The following LPP variants were observed in gnomAD, a reference collection of about 807,000 sequenced individuals.
LPP encodes lipoma-preferred partner.
A neutral mutation model predicts 60.4 loss-of-function variants in LPP; 38 were observed. That is an observed-to-expected ratio of 0.63 (90% confidence interval 0.49 to 0.83). The LOEUF (loss-of-function observed/expected upper bound fraction) is 0.83, where lower values mean the gene tolerates loss of function less well. LPP is among the 40% of genes least tolerant of loss of function. LPP has a pLI of 0.00. For missense variants in LPP, 902 were observed against 783.6 expected (o/e 1.15, Z -1.80); for synonymous variants, 328 against 290.8 (o/e 1.13, Z -1.30).
At chr3:188,579,712 C>T (rs1835604624) in intron 6 of LPP, among the ~76,000 whole-genome samples, 1 of 151,016 alleles carries the variant, frequency 6.6e-6, no homozygotes, top group African/African-American at 2.4e-5. Flanking sequence ...GTAATCTGAG[C>T]TCTTTGGGAT....
At chr3:188,172,786 A>G (rs1721951661) in intron 1 of LPP, among the ~76,000 whole-genome samples, 1 of 152,210 alleles carries the variant, frequency 6.6e-6, no homozygotes, top group South Asian at 2.1e-4. Flanking sequence ...CTTTTCCACT[A>G]AGTTCCTCTT....
At chr3:188,299,171 G>A (rs150232746) in intron 2 of LPP, among the ~76,000 whole-genome samples, 5 of 152,238 alleles carry the variant, frequency 3.3e-5, no homozygotes, top group Admixed American at 6.5e-5. Context: ...ACACAGCCTC[G>A]GACTCTCCCT....
chr3:188,340,874 T>C (rs1318430854), intron 2 of LPP, among the ~76,000 whole-genome samples: 1 of 152,218 alleles, frequency 6.6e-6, no homozygotes, highest in Non-Finnish European at 1.5e-5. Context: ...CTTTTGATCA[T>C]ATAAATGTGG....
Position 188,782,193 on chromosome 3 carries a change from T to C in LPP, c.1410+21911T>C, listed in dbSNP as rs911445715. ...TAATACTTTTTTCAACTAAAGGGAA[T>C]TTGGCTTCATCTCCAGTTGCAAATT... On this transcript the variant is annotated intron_variant, in intron 9 of 11. Transcript: ENST00000617246. Among the ~76,000 whole-genome samples, 7 of 152,282 alleles carry C rather than the reference T, an allele frequency of 4.6e-5. 1 individual carries two copies. In the Middle Eastern group the frequency reaches 0.017, roughly 370 times the overall value.
intron 9 of LPP, among the ~76,000 whole-genome samples, chr3:188,773,522 CT>C (rs1279793290): frequency 6.6e-6 from 1 of 152,100 alleles, no homozygotes; most frequent in African/African-American, 2.4e-5. Context: ...TCTGTGATGA[CT>C]TTTTAATTAT....
In LPP at chr3:188,812,774, CCTCTCT is replaced by C. The variant is rs35953542; in HGVS notation, c.1410+52508_1410+52513del. On this transcript the variant is annotated intron_variant, in intron 9 of 11. Transcript: ENST00000617246. ...GAGCTAATTATACTCTCTCACTCTCCCTCTCTCTCTCTCTCTCTCTCGCTGCAGCTT... is the reference window on the plus strand; with the variant it reads ...GAGCTAATTATACTCTCTCACTCTCCCTCTCTCTCTCTCTCGCTGCAGCTT... Among the ~76,000 whole-genome samples, 33 of 148,542 alleles carry C rather than the reference CCTCTCT, an allele frequency of 2.2e-4. No individual in the cohort carries two copies. In the South Asian group the frequency reaches 5.1e-3, roughly 23 times the overall value.
chr3:188,420,167 C>T (rs1787412328), intron 4 of LPP, among the ~76,000 whole-genome samples: 1 of 151,880 alleles, frequency 6.6e-6, no homozygotes, highest in African/African-American at 2.4e-5. Context: ...TTAGTTGTAT[C>T]CTTGTTTCTT....
At chr3:188,580,684 A>C (rs189414584) in intron 6 of LPP, among the ~76,000 whole-genome samples, 83 of 152,310 alleles carry the variant, frequency 5.4e-4, no homozygotes, top group Non-Finnish European at 1.0e-3. Flanking sequence ...TTTGTTTCCC[A>C]CCAAAAGTCA....
intron 4 of LPP, 57 bp from the exon 5 acceptor site, chr3:188,484,535 C>T (rs59285533): frequency 0.02 from 24,178 of 1,212,494 alleles, 318 homozygotes; most frequent in African/African-American, 0.064. Flanking sequence ...AAATATATCA[C>T]GAGTACTATA....
rs1768451933 is a variant in LPP at position 188,872,743 on chromosome 3, G to A, written c.1690G>A (p.Val564Ile). The change falls in exon 11 of 12, where the codon GTT becomes ATT. Residue 564 changes from valine to isoleucine, a missense_variant. Val to Ile is a conservative substitution (Grantham distance 29). Coordinates refer to ENST00000617246, the MANE Select transcript of LPP (RefSeq NM_001375462.1). ...RIVALDRDFH[V>I]HCYRCEDCGG... is the part of the protein sequence containing the mutation. Reference sequence around the variant, plus strand: ...TGTGGCTTTGGATCGAGATTTCCATGTTCACTGCTACCGATGCGAGGTCTG... The same window carrying A: ...TGTGGCTTTGGATCGAGATTTCCATATTCACTGCTACCGATGCGAGGTCTG... The A allele has an allele frequency of 6.2e-7, 1 of 1,614,152 alleles. No homozygotes were observed. Among genetic ancestry groups the A allele is most frequent in the Non-Finnish European group, 8.5e-7 (1 of 1,180,014 alleles).
intron 9 of LPP, among the ~76,000 whole-genome samples, chr3:188,766,624 C>A (rs994994686): frequency 6.6e-6 from 1 of 152,168 alleles, no homozygotes. Context: ...GCCTCTGATT[C>A]CCAAGGCCGG....
At chr3:188,346,869 C>T (rs1445712870) in intron 3 of LPP, among the ~76,000 whole-genome samples, 3 of 152,166 alleles carry the variant, frequency 2.0e-5, no homozygotes, top group African/African-American at 7.2e-5. Flanking sequence ...TATTGTTATA[C>T]TCTGAGTGTT....
At chr3:188,640,557 A>T (rs1419362969) in intron 7 of LPP, among the ~76,000 whole-genome samples, 1 of 151,372 alleles carries the variant, frequency 6.6e-6, no homozygotes, top group Non-Finnish European at 1.5e-5. Context: ...GACGAAAAAA[A>T]AAAAAGAAAC....
intron 2 of LPP, among the ~76,000 whole-genome samples, chr3:188,305,868 C>T (rs776591413): frequency 5.3e-5 from 8 of 152,038 alleles, no homozygotes; most frequent in South Asian, 2.1e-4. Context: ...AGGATTTTCT[C>T]GTTTACCTGT....
At chr3:188,256,289 G>A (rs1731648221) in intron 2 of LPP, among the ~76,000 whole-genome samples, 2 of 152,040 alleles carry the variant, frequency 1.3e-5, no homozygotes, top group African/African-American at 4.8e-5. Flanking sequence ...AGCTAATTGA[G>A]GTTATTAAAT....
chr3:188,433,008 C>T (rs999555287), intron 4 of LPP, among the ~76,000 whole-genome samples: 1 of 152,158 alleles, frequency 6.6e-6, no homozygotes, highest in African/African-American at 2.4e-5. Context: ...TGGCTATGTA[C>T]ACCAGAAAAA....
intron 9 of LPP, among the ~76,000 whole-genome samples, chr3:188,845,477 G>T (rs1190463677): frequency 1.3e-5 from 2 of 152,178 alleles, no homozygotes; most frequent in African/African-American, 4.8e-5. Context: ...ATTTGTACTT[G>T]CAAGAGACAC....
intron 5 of LPP, among the ~76,000 whole-genome samples, chr3:188,500,081 A>G (rs1434930045): frequency 2.0e-5 from 3 of 151,984 alleles, no homozygotes; most frequent in Non-Finnish European, 4.4e-5. Context: ...TTTCTTTTTA[A>G]TTTTGACACC....
chr3:188,629,409 C>T (rs529154066), intron 7 of LPP, among the ~76,000 whole-genome samples: 4 of 152,110 alleles, frequency 2.6e-5, no homozygotes, highest in African/African-American at 7.2e-5. Context: ...AATCAGTTGC[C>T]TTTCTATATA....
Sources: allele counts gnomAD v4.1 joint callset (sites outside exome capture counted in the v4.1 genomes callset), GRCh38; gene constraint gnomAD v4.1.1; transcripts MANE v1.5; gene names NCBI Gene and HGNC (gene_info 2026-07-23, HGNC 2026-07-21).